PCDHB12: variants seen among roughly 807,000 people sequenced by gnomAD.
PCDHB12 encodes protocadherin beta-12.
For synonymous variants in PCDHB12, 560 were observed against 445.2 expected (o/e 1.26, Z -3.24); for missense variants, 1,192 against 998.2 (o/e 1.19, Z -2.62).
In PCDHB12 at chr5:141,209,394, G is replaced by C; in HGVS notation, c.487G>C (p.Gly163Arg). The C allele has an allele frequency of 1.2e-6, 2 of 1,614,188 alleles. No homozygotes were observed. Among genetic ancestry groups the C allele is most frequent in the Non-Finnish European group, 1.7e-6 (2 of 1,180,036 alleles). Residue 163 changes from glycine (G) to arginine (R), a missense_variant, in exon 1 of 1, where the codon GGA becomes CGA. Transcript: ENST00000239450. ...LLESAKDLDV[G>R]INAVKSYTIN... ...TGAAAGTGCAAAGGATTTAGATGTAGGAATCAATGCTGTAAAAAGCTACAC... is the reference window on the plus strand; with the variant it reads ...TGAAAGTGCAAAGGATTTAGATGTACGAATCAATGCTGTAAAAAGCTACAC...
At position 141,210,095 on chromosome 5, in the gene PCDHB12, G is replaced by A. The variant is rs781842958; in HGVS notation, c.1188G>A (p.Ser396=). The A allele has an allele frequency of 2.5e-6, 4 of 1,614,086 alleles. No homozygotes were observed. The highest frequency in any genetic ancestry group is 2.2e-5 in the South Asian group (2 of 91,078). The change falls in exon 1 of 1, where the codon TCG becomes TCA. Residue 396 remains serine (S), a synonymous_variant. Transcript: ENST00000239450. ...PEDIPFVLKS[S]VNNYYTLETE... ...ACATCCCATTCGTGCTAAAATCTTC[G>A]GTAAATAATTACTACACTTTGGAAA...
In PCDHB12 at chr5:141,211,023, C is replaced by T. The variant is rs782618634; in HGVS notation, c.2116C>T (p.Leu706Phe). The change falls in exon 1 of 1, where the codon CTC (leucine) becomes TTC (phenylalanine). Residue 706 changes from leucine to phenylalanine, a missense_variant. By Grantham distance (22) the Leu-to-Phe change is conservative. Transcript: ENST00000239450. The stretch of plus-strand genomic sequence containing the variant: ...GTCGTCGCTCTTCCTCTTCTCGGTG[C>T]TCCTGTTCGTGGCGGTGCGGCTGTG... ...SVSSLFLFSV[L>F]LFVAVRLCRR... 4.3e-6 allele frequency: 7 copies of T among 1,612,056 alleles called. No homozygotes were observed. Among genetic ancestry groups the T allele is most frequent in the Admixed American group, 3.3e-5 (2 of 59,994 alleles).
Position 141,211,505 on chromosome 5 carries a change from C to A in PCDHB12, c.*210C>A, listed in dbSNP as rs1213865014. 3.1e-6 allele frequency: 2 copies of A among 655,382 alleles called. No homozygotes were observed. Among genetic ancestry groups the A allele is most frequent in the East Asian group, 2.9e-5 (1 of 34,722 alleles). 40.6% of individuals were successfully genotyped at this position (655,382 alleles called of 1,614,324 possible). Reference sequence around the variant, plus strand: ...TGCATGTGTAATGGTTTATGTCAAACAATTATGCTTAATATAAAGTCTATT... The same window carrying A: ...TGCATGTGTAATGGTTTATGTCAAAAAATTATGCTTAATATAAAGTCTATT... On this transcript the variant is annotated 3_prime_UTR_variant, in exon 1 of 1. Transcript: ENST00000239450.
Position 141,211,466 on chromosome 5 carries a change from C to G in PCDHB12, c.*171C>G. The G allele has an allele frequency of 2.6e-6, 2 of 765,500 alleles. No individual in the cohort carries two copies. Among genetic ancestry groups the G allele is most frequent in the Non-Finnish European group, 2.2e-6 (1 of 446,564 alleles). 47.4% of individuals were successfully genotyped at this position (765,500 alleles called of 1,614,324 possible). On this transcript the variant is annotated 3_prime_UTR_variant, in exon 1 of 1. Transcript: ENST00000239450. ...CAGATTTAGTACCAAGAACACTTCA[C>G]AAAGCAGGAAATGTGCATGTGTAAT...
In PCDHB12 at chr5:141,210,166, C is replaced by T. The variant is rs2910327; in HGVS notation, c.1259C>T (p.Thr420Ile). 0.16 allele frequency: 258,970 copies of T among 1,614,072 alleles called. 21,519 individuals are homozygous for T. Among genetic ancestry groups the T allele is most frequent in the Middle Eastern group, 0.19 (1,158 of 6,062 alleles). The part of the protein sequence containing the change: ...DRESRAEYNI[T>I]ITVTDLGTPR... The stretch of plus-strand genomic sequence containing the variant: ...GAGAGCAGAGCCGAGTACAACATCA[C>T]CATCACCGTCACCGACTTGGGGACC... Residue 420 changes from threonine to isoleucine, a missense_variant, in exon 1 of 1, where the codon ACC becomes ATC. Transcript: ENST00000239450.
chr5:141,211,043 G>A lies in PCDHB12; in HGVS notation c.2136G>A (p.Arg712=), dbSNP rs1554287117. ...LFSVLLFVAV[R]LCRRSRAAPV... ...CGGTGCTCCTGTTCGTGGCGGTGCG[G>A]CTGTGCAGGAGGAGCAGGGCGGCCC... The change falls in exon 1 of 1, where the codon CGG becomes CGA. Residue 712 remains arginine, a synonymous_variant. Coordinates refer to ENST00000239450, the MANE Select transcript of PCDHB12 (RefSeq NM_018932.4). 2.5e-6 allele frequency: 4 copies of A among 1,612,844 alleles called. No individual in the cohort carries two copies. The highest frequency in any genetic ancestry group is 2.5e-6 in the Non-Finnish European group (3 of 1,180,002).
In PCDHB12 at chr5:141,212,483, A is replaced by G. The variant is rs1754481428; in HGVS notation, c.*1188A>G. The stretch of plus-strand genomic sequence containing the variant: ...TGTTAAAAATATATAACCGATTCTT[A>G]TATTTAAAATAGGTAATTTTTGCAT... On this transcript the variant is annotated 3_prime_UTR_variant, in exon 1 of 1. Transcript: ENST00000239450. 6.6e-6 allele frequency: 1 copy of G among 152,186 alleles called. No individual in the cohort carries two copies. The highest frequency in any genetic ancestry group is 1.9e-4 in the East Asian group (1 of 5,198). 9.4% of individuals were successfully genotyped at this position (152,186 alleles called of 1,614,324 possible).
chr5:141,209,733 G>T lies in PCDHB12; in HGVS notation c.826G>T (p.Glu276Ter). ...GGATTTAGACTCTGGAACAAACAGT[G>T]AACTATCCTATACCTTTTCCCATGC... ...AWDLDSGTNS[E>*]LSYTFSHASE... The change falls in exon 1 of 1, where the codon GAA becomes TAA. Residue 276 changes from glutamate to a stop codon, truncating the protein, a stop_gained. Coordinates refer to ENST00000239450, the MANE Select transcript of PCDHB12 (RefSeq NM_018932.4). LOFTEE classifies it low-confidence loss of function (END_TRUNC). 1 of 1,614,190 alleles carries T rather than the reference G, an allele frequency of 6.2e-7. No homozygotes were observed. Among genetic ancestry groups the T allele is most frequent in the Non-Finnish European group, 8.5e-7 (1 of 1,180,036 alleles).
In PCDHB12 at chr5:141,210,306, G is replaced by T; in HGVS notation, c.1399G>T (p.Ala467Ser). ...GTTCGTCCGCGAGAACAACAGCCCCGCCCTGCACATCGGCAGCATCAGCGC... is the reference window on the plus strand; with the variant it reads ...GTTCGTCCGCGAGAACAACAGCCCCTCCCTGCACATCGGCAGCATCAGCGC... ...ALFVRENNSP[A>S]LHIGSISATD... The change falls in exon 1 of 1, where the codon GCC becomes TCC. Residue 467 changes from alanine (A) to serine (S), a missense_variant. Ala to Ser is a moderately conservative substitution (Grantham distance 99). Transcript: ENST00000239450. 6.2e-7 allele frequency: 1 copy of T among 1,613,544 alleles called. No homozygotes were observed. The highest frequency in any genetic ancestry group is 8.5e-7 in the Non-Finnish European group (1 of 1,180,034).
chr5:141,210,466 A>G lies in PCDHB12; in HGVS notation c.1559A>G (p.Asp520Gly). The change falls in exon 1 of 1, where the codon GAC becomes GGC. Residue 520 changes from aspartate (D) to glycine (G), a missense_variant. Physicochemically the swap from Asp to Gly is moderately conservative, Grantham distance 94. Coordinates refer to ENST00000239450, the MANE Select transcript of PCDHB12 (RefSeq NM_018932.4). ...CACCTGTTTGCCCTCAGGTCGCTGG[A>G]CTACGAGGCCCTGCAGGGGTTCCAG... ...NGHLFALRSL[D>G]YEALQGFQFR... 1.9e-6 allele frequency: 3 copies of G among 1,612,870 alleles called. No homozygotes were observed. The highest frequency in any genetic ancestry group is 2.5e-6 in the Non-Finnish European group (3 of 1,179,890).
rs529972018 is a variant in PCDHB12 at position 141,210,277 on chromosome 5, C to T, written c.1370C>T (p.Ala457Val). ...NAPAFTQTSY[A>V]LFVRENNSPA... ...CCCGCCTTCACCCAAACTTCCTACG[C>T]CCTGTTCGTCCGCGAGAACAACAGC... The change falls in exon 1 of 1, where the codon GCC becomes GTC. Residue 457 changes from alanine (A) to valine (V), a missense_variant. Physicochemically the swap from Ala to Val is moderately conservative, Grantham distance 64. Transcript: ENST00000239450. 18 of 1,613,986 alleles carry T rather than the reference C, an allele frequency of 1.1e-5. No homozygotes were observed. In the East Asian group the frequency reaches 3.6e-4, roughly 32 times the overall value.
chr5:141,210,038 C>A lies in PCDHB12; in HGVS notation c.1131C>A (p.Asp377Glu), dbSNP rs370806858. The change falls in exon 1 of 1, where the codon GAC becomes GAA. Residue 377 changes from aspartate (D) to glutamate (E), a missense_variant. Coordinates refer to ENST00000239450, the MANE Select transcript of PCDHB12 (RefSeq NM_018932.4). ...VFRIRDRDSG[D>E]NGKMVCSIPE... ...GGATACGAGACAGAGACTCTGGGGACAACGGAAAGATGGTTTGTTCTATCC... is the reference window on the plus strand; with the variant it reads ...GGATACGAGACAGAGACTCTGGGGAAAACGGAAAGATGGTTTGTTCTATCC... 6.2e-7 allele frequency: 1 copy of A among 1,614,060 alleles called. No homozygotes were observed. Among genetic ancestry groups the A allele is most frequent in the Non-Finnish European group, 8.5e-7 (1 of 1,180,044 alleles).
Position 141,209,046 on chromosome 5 carries a change from A to T in PCDHB12, c.139A>T (p.Asn47Tyr). The T allele has an allele frequency of 6.2e-7, 1 of 1,611,026 alleles. No homozygotes were observed. Residue 47 changes from asparagine (N) to tyrosine (Y), a missense_variant, in exon 1 of 1, where the codon AAT becomes TAT. Coordinates refer to ENST00000239450, the MANE Select transcript of PCDHB12 (RefSeq NM_018932.4). Reference protein sequence around the residue: ...EELQSGSFVGNLAKTLGLEVS... With the variant: ...EELQSGSFVGYLAKTLGLEVS... The stretch of plus-strand genomic sequence containing the variant: ...ATTGCAGAGCGGGAGCTTTGTAGGA[A>T]ATTTGGCAAAGACCCTGGGACTCGA...
Position 141,209,930 on chromosome 5 carries a change from C to T in PCDHB12, c.1023C>T (p.Asn341=), listed in dbSNP as rs782673787. 1 of 1,614,118 alleles carries T rather than the reference C, an allele frequency of 6.2e-7. No homozygotes were observed. Among genetic ancestry groups the T allele is most frequent in the South Asian group, 1.1e-5 (1 of 91,078 alleles). Residue 341 remains asparagine, a synonymous_variant, in exon 1 of 1, where the codon AAC becomes AAT. Coordinates refer to ENST00000239450, the MANE Select transcript of PCDHB12 (RefSeq NM_018932.4). ...STVRIQVMDV[N]DNAPEITVSS... The stretch of plus-strand genomic sequence containing the variant: ...TCAGAATTCAGGTGATGGATGTAAA[C>T]GACAACGCTCCTGAAATCACTGTGT...
In PCDHB12 at chr5:141,211,124, G is replaced by A. The variant is rs782450305; in HGVS notation, c.2217G>A (p.Val739=). The part of the protein sequence containing the change: ...EGPFPGHLVD[V]SGTGTLSQSY... ...CCTTTCCAGGACATCTGGTGGACGT[G>A]AGTGGCACCGGGACCCTGTCCCAGA... Residue 739 remains valine (V), a synonymous_variant, in exon 1 of 1, where the codon GTG becomes GTA. Coordinates refer to ENST00000239450, the MANE Select transcript of PCDHB12 (RefSeq NM_018932.4). 3 of 1,614,188 alleles carry A rather than the reference G, an allele frequency of 1.9e-6. No individual in the cohort carries two copies. The highest frequency in any genetic ancestry group is 2.2e-5 in the South Asian group (2 of 91,080).
At position 141,211,250 on chromosome 5, in the gene PCDHB12, T is replaced by A; in HGVS notation, c.2343T>A (p.Ser781Arg). ...ACTTCCTACCCCAGAGCACAGGTAG[T>A]GAAGTCGAAGAAAATCCCCCATTTC... ...IPNFLPQSTG[S>R]EVEENPPFQN... is the part of the protein sequence containing the mutation. Residue 781 changes from serine to arginine, a missense_variant, in exon 1 of 1, where the codon AGT becomes AGA. Coordinates refer to ENST00000239450, the MANE Select transcript of PCDHB12 (RefSeq NM_018932.4). 1 of 1,605,348 alleles carries A rather than the reference T, an allele frequency of 6.2e-7. No individual in the cohort carries two copies. Among genetic ancestry groups the A allele is most frequent in the Non-Finnish European group, 8.5e-7 (1 of 1,177,406 alleles).
rs543195348 is a variant in PCDHB12, at chr5:141,210,962, G to T, written c.2055G>T (p.Ser685=). The change falls in exon 1 of 1, where the codon TCG becomes TCT. Residue 685 remains serine, a synonymous_variant. Coordinates refer to ENST00000239450, the MANE Select transcript of PCDHB12 (RefSeq NM_018932.4). ...EAAPAQAQAD[S]LTVYLVVALA... Reference sequence around the variant, plus strand: ...CCCCGGCCCAGGCCCAGGCCGACTCGCTCACTGTCTACCTGGTGGTGGCGT... The same window carrying T: ...CCCCGGCCCAGGCCCAGGCCGACTCTCTCACTGTCTACCTGGTGGTGGCGT... 9 of 1,611,734 alleles carry T rather than the reference G, an allele frequency of 5.6e-6. No homozygotes were observed. Among genetic ancestry groups the T allele is most frequent in the African/African-American group, 2.7e-5 (2 of 74,986 alleles).
chr5:141,210,678 G>A lies in PCDHB12; in HGVS notation c.1771G>A (p.Ala591Thr), dbSNP rs782532808. 1.2e-6 allele frequency: 2 copies of A among 1,610,700 alleles called. No homozygotes were observed. Among genetic ancestry groups the A allele is most frequent in the Non-Finnish European group, 1.7e-6 (2 of 1,179,702 alleles). The change falls in exon 1 of 1, where the codon GCG becomes ACG. Residue 591 changes from alanine (A) to threonine (T), a missense_variant. Transcript: ENST00000239450. ...GGGCTACCTGGTGACCAAGGTGGTG[G>A]CGGTGGACGGTGACTCGGGCCAGAA... ...EPGYLVTKVV[A>T]VDGDSGQNAW...
rs17844599 is a variant in PCDHB12, at chr5:141,209,603, T to G, written c.696T>G (p.Val232=). Residue 232 remains valine, a synonymous_variant, in exon 1 of 1, where the codon GTT becomes GTG. Coordinates refer to ENST00000239450, the MANE Select transcript of PCDHB12 (RefSeq NM_018932.4). The stretch of plus-strand genomic sequence containing the variant: ...GAACTGCCTTGGTCAGGGTGGTGGT[T>G]GTAGATATTAATGACAACTCCCCTG... ...RSGTALVRVV[V]VDINDNSPEF... The G allele has an allele frequency of 1.0e-4, 166 of 1,614,076 alleles. 1 individual carries two copies. In the East Asian group the frequency reaches 3.5e-3, roughly 34 times the overall value.
Sources: gnomAD v4.1 joint callset for allele counts on GRCh38, gnomAD v4.1.1 for gene constraint, MANE v1.5 for transcripts, NCBI Gene and HGNC (gene_info 2026-07-23, HGNC 2026-07-21) for gene names.